GPRC5D: variants seen among roughly 807,000 people sequenced by gnomAD.
GPRC5D encodes the protein G protein-coupled receptor class C group 5 member D.
GPRC5D carries 20 observed loss-of-function variants against 29.3 expected under a neutral mutation model. The ratio of observed to expected loss-of-function variants is 0.68; its 90% CI spans 0.48 to 0.99. The LOEUF (loss-of-function observed/expected upper bound fraction) is 0.99, where lower values mean the gene tolerates loss of function less well. Ranked by LOEUF, GPRC5D falls within the 50% of genes least tolerant of loss-of-function variation. GPRC5D has a pLI of 0.00. For missense variants in GPRC5D, 384 were observed against 423.6 expected (o/e 0.91, Z 0.82); for synonymous variants, 178 against 171.3 (o/e 1.04, Z -0.30).
chr12:12,941,238 C>G (rs1863138421), intron 2 of GPRC5D, among the ~76,000 whole-genome samples: 1 of 152,166 alleles, frequency 6.6e-6, no homozygotes, highest in South Asian at 2.1e-4. Context: ...GTATTATTAT[C>G]TCACCTTCAT....
At chr12:12,947,632 G>A (rs560308096) in intron 1 of GPRC5D, among the ~76,000 whole-genome samples, 2 of 143,402 alleles carry the variant, frequency 1.4e-5, no homozygotes, top group East Asian at 4.7e-4. Flanking sequence ...TGGTGTAACC[G>A]TGGCTCCCCG....
chr12:12,949,583 A>T (rs1863433729), exon 1 of GPRC5D: 8 of 1,613,532 alleles, frequency 5.0e-6, no homozygotes, highest in Non-Finnish European at 6.8e-6. Context: ...TGTCTACACG[A>T]TCTGTAGAGA....
chr12:12,941,612 C>T (rs1163506396), intron 2 of GPRC5D, among the ~76,000 whole-genome samples: 8 of 152,092 alleles, frequency 5.3e-5, no homozygotes, highest in Non-Finnish European at 8.8e-5. Flanking sequence ...TTTTGATCCC[C>T]GTAATGTAAG....
intron 1 of GPRC5D, among the ~76,000 whole-genome samples, chr12:12,944,774 TTCC>T (rs1474441348): frequency 6.1e-5 from 2 of 32,784 alleles, no homozygotes; most frequent in Middle Eastern, 0.019. Flanking sequence ...CCTTCCTTTC[TTCC>T]TTCCTTCCTT....
At chr12:12,949,845 C>T (rs1565480491) in exon 1 of GPRC5D, 4 of 1,614,128 alleles carry the variant, frequency 2.5e-6, no homozygotes, top group Non-Finnish European at 3.4e-6. Context: ...TGAGGGCCAT[C>T]AGGAAGAGGA....
rs139875241 is a variant in GPRC5D at position 12,940,884 on chromosome 12, A to G, written c.964-35T>C. 5.6e-5 allele frequency: 74 copies of G among 1,317,658 alleles called. No homozygotes were observed. In the East Asian group the frequency reaches 1.7e-3, roughly 30 times the overall value. 81.6% of individuals were successfully genotyped at this position (1,317,658 alleles called of 1,614,324 possible). A position where few individuals can be genotyped will look rare whatever the true frequency, so the allele number is the denominator to read the frequency against. ...AAGAAATGCCATCATCAACTTTCTG[A>G]GCAACAAAAGAAATGATATTCTCCA... is the stretch of plus-strand genomic sequence containing the variant. On this transcript the variant is annotated intron_variant, in intron 2 of 2. Coordinates refer to ENST00000228887, the Ensembl canonical transcript of GPRC5D.
chr12:12,940,964 T>C, intron 2 of GPRC5D, 115 bp from the exon 4 acceptor site: 2 of 666,066 alleles, frequency 3.0e-6, no homozygotes, highest in South Asian at 3.1e-5. Context: ...CAGGCTGGAG[T>C]GCAGTGGTGT....
At chr12:12,942,288 A>G in exon 2 of GPRC5D, 1 of 1,612,400 alleles carries the variant, frequency 6.2e-7, no homozygotes, top group Non-Finnish European at 8.5e-7. Flanking sequence ...TACCATATGA[A>G]GTTAATGCTA....
chr12:12,945,374 AC>A (rs1212702234), intron 1 of GPRC5D, among the ~76,000 whole-genome samples: 1 of 152,184 alleles, frequency 6.6e-6, no homozygotes, highest in Non-Finnish European at 1.5e-5. Context: ...TTAGTCTAAA[AC>A]AGATAAGGCA....
downstream of GPRC5D, chr12:12,940,639 A>T: frequency 1.8e-6 from 1 of 561,840 alleles, no homozygotes; most frequent in Admixed American, 2.9e-5. Flanking sequence ...GTCCTGGTGG[A>T]TGGAGGGGTT....
chr12:12,944,529 C>T (rs1863225880), intron 1 of GPRC5D: 1 of 147,168 alleles, frequency 6.8e-6, no homozygotes, highest in South Asian at 2.2e-4. Flanking sequence ...CTATGTTCAG[C>T]AAAAGTTGGA....
rs987979055 is a variant in GPRC5D, at chr12:12,949,186, A to T, written c.895+304T>A. On this transcript the variant is annotated intron_variant, in intron 1 of 2. Coordinates refer to ENST00000228887, the Ensembl canonical transcript of GPRC5D. ...AATTTAGGGCCAGTTAACTCATTTTATAGTGGATGCCTTTCTTTAACCAGT... is the reference window on the plus strand; with the variant it reads ...AATTTAGGGCCAGTTAACTCATTTTTTAGTGGATGCCTTTCTTTAACCAGT... Among the ~76,000 whole-genome samples the T allele has an allele frequency of 7.2e-5, 11 of 152,326 alleles. No individual in the cohort carries two copies. The South Asian group carries it at 2.3e-3, about 32-fold the overall frequency.
rs368778230 is a variant in GPRC5D, at chr12:12,949,483, A to T, written c.895+7T>A. The T allele has an allele frequency of 3.7e-6, 6 of 1,607,018 alleles. No homozygotes were observed. The highest frequency in any genetic ancestry group is 4.3e-6 in the Non-Finnish European group (5 of 1,175,348). ...CTCCCTGCTCCCTGAATCCCCCAGG[A>T]ATGTACCTCTGGAGAGCTCCTGGTT... is the stretch of plus-strand genomic sequence containing the variant. On this transcript the variant is annotated splice_region_variant and intron_variant, in intron 1 of 2. Transcript: ENST00000228887.
At chr12:12,942,683 C>T (rs1437352973) in intron 1 of GPRC5D, among the ~76,000 whole-genome samples, 2 of 152,050 alleles carry the variant, frequency 1.3e-5, no homozygotes, top group Non-Finnish European at 2.9e-5. Flanking sequence ...TGCAGTGAGC[C>T]GAGATCACGC....
chr12:12,949,411 G>T, intron 1 of GPRC5D, 79 bp downstream of exon 2: 1 of 1,242,496 alleles, frequency 8.0e-7, no homozygotes, highest in Non-Finnish European at 1.1e-6. Flanking sequence ...TTTCCTCTTG[G>T]CTCATCCTAC....
chr12:12,944,845 CCTTCCTTCTT>C lies in GPRC5D; in HGVS notation c.896-2527_896-2518del, dbSNP rs1565477395. The stretch of plus-strand genomic sequence containing the variant: ...TCCTTCCTTCCTTCCTTCCTTCCTT[CCTTCCTTCTT>C]TCTTTCTTTCTTTCTTTCTTTCTTT... On this transcript the variant is annotated intron_variant, in intron 1 of 2. Coordinates refer to ENST00000228887, the Ensembl canonical transcript of GPRC5D. 4.6e-4 allele frequency among the ~76,000 whole-genome samples: 15 copies of C among 32,836 alleles called. 3 individuals are homozygous for C. Among genetic ancestry groups the C allele is most frequent in the African/African-American group, 8.4e-4 (12 of 14,264 alleles). 21.5% of individuals were successfully genotyped at this position (32,836 alleles called of 152,430 possible).
In GPRC5D at chr12:12,942,376, C is replaced by T. The variant is rs368264783; in HGVS notation, c.896-48G>A. On this transcript the variant is annotated intron_variant, in intron 1 of 2. Coordinates refer to ENST00000228887, the Ensembl canonical transcript of GPRC5D. Reference sequence around the variant, plus strand: ...GCTGGGTTAGTGTCCGAGAGTCAATCGGAAACAGCACATGAGGACTACAGG... The same window carrying T: ...GCTGGGTTAGTGTCCGAGAGTCAATTGGAAACAGCACATGAGGACTACAGG... 4.3e-4 allele frequency: 513 copies of T among 1,181,888 alleles called. 5 individuals are homozygous for T. In the South Asian group the frequency reaches 5.7e-3, roughly 13 times the overall value. 73.2% of individuals were successfully genotyped at this position (1,181,888 alleles called of 1,614,324 possible).
chr12:12,943,836 G>C, intron 1 of GPRC5D, among the ~76,000 whole-genome samples: 1 of 152,164 alleles, frequency 6.6e-6, no homozygotes, highest in East Asian at 1.9e-4. Context: ...TCCAGCTCTA[G>C]CTATAGTTCA....
At chr12:12,940,676 C>G (rs1370176352), downstream of GPRC5D, 2 of 711,862 alleles carry the variant, frequency 2.8e-6, no homozygotes, top group Non-Finnish European at 5.1e-6. Flanking sequence ...GATGCTGACT[C>G]TTCATTGGCA....
Sources: allele counts gnomAD v4.1 joint callset (sites outside exome capture counted in the v4.1 genomes callset), GRCh38; gene constraint gnomAD v4.1.1; transcripts MANE v1.5; gene names NCBI Gene and HGNC (gene_info 2026-07-23, HGNC 2026-07-21).